DPH6: variants seen among roughly 807,000 people sequenced by gnomAD.
DPH6 encodes the protein diphthine--ammonia ligase.
In DPH6, 33 loss-of-function variants were observed where a neutral mutation model predicts 38.2. The observed-to-expected ratio is 0.86, with a 90% CI of 0.65 to 1.15. The LOEUF (loss-of-function observed/expected upper bound fraction) is 1.15. Ranked by LOEUF, DPH6 falls within the 50% of genes most tolerant of loss-of-function variation. The probability of loss-of-function intolerance (pLI) is 0.00; values close to 1 mark genes in which losing one functional copy is unlikely to be tolerated. For missense variants in DPH6, 325 were observed against 320.0 expected (o/e 1.02, Z -0.12); for synonymous variants, 108 against 103.0 (o/e 1.05, Z -0.30).
At chr15:35,279,967 C>T (rs2051887759) in intron 3 of DPH6, among the ~76,000 whole-genome samples, 2 of 152,056 alleles carry the variant, frequency 1.3e-5, no homozygotes, top group Admixed American at 1.3e-4. Flanking sequence ...AATCTCTTTC[C>T]CCACACACAT....
At chr15:35,436,492 AAC>A (rs1435306180) in intron 5 of DPH6, among the ~76,000 whole-genome samples, 69 of 42,376 alleles carry the variant, frequency 1.6e-3, no homozygotes, top group East Asian at 7.7e-3. Context: ...AACAAAACAA[AAC>A]AAAACAAAAC....
intron 5 of DPH6, among the ~76,000 whole-genome samples, chr15:35,448,075 G>A (rs2053880138): frequency 6.6e-6 from 1 of 151,906 alleles, no homozygotes; most frequent in Non-Finnish European, 1.5e-5. Flanking sequence ...GTGGTCTCAC[G>A]TTTTTCCTTT....
At chr15:35,521,893 C>T (rs2054927517) in intron 3 of DPH6, 2 of 1,394,488 alleles carry the variant, frequency 1.4e-6, no homozygotes, top group African/African-American at 1.5e-5. Flanking sequence ...ACATTACATT[C>T]CTTGGGATGA....
chr15:35,441,662 G>T (rs116601698), intron 5 of DPH6, among the ~76,000 whole-genome samples: 1 of 152,166 alleles, frequency 6.6e-6, no homozygotes, highest in Non-Finnish European at 1.5e-5. Context: ...CCCTGCTGGC[G>T]GGTGGGGGGT....
At chr15:35,245,385 C>T (rs2051630158) in intron 3 of DPH6, among the ~76,000 whole-genome samples, 1 of 151,726 alleles carries the variant, frequency 6.6e-6, no homozygotes, top group Non-Finnish European at 1.5e-5. Context: ...ACTACAGGCG[C>T]CCGCCACCAT....
chr15:35,472,201 T>G (rs1359716846), intron 3 of DPH6, among the ~76,000 whole-genome samples: 1 of 152,146 alleles, frequency 6.6e-6, no homozygotes, highest in African/African-American at 2.4e-5. Flanking sequence ...AATATTTTCT[T>G]AAAGGACAGG....
the DPH6 span, among the ~76,000 whole-genome samples, chr15:35,161,626 G>A: frequency 6.6e-6 from 1 of 151,920 alleles, no homozygotes; most frequent in Non-Finnish European, 1.5e-5. Context: ...TCATGAGAGT[G>A]AGGTTCTGGT....
chr15:35,381,987 G>A (rs1377392670), intron 6 of DPH6, 71 bp from the exon 7 acceptor site: 2 of 1,082,452 alleles, frequency 1.8e-6, no homozygotes, highest in East Asian at 2.4e-5. Flanking sequence ...CTCTTATCTG[G>A]TACTAAAAAA....
At chr15:35,246,041 C>A (rs979595557) in intron 3 of DPH6, among the ~76,000 whole-genome samples, 27 of 152,156 alleles carry the variant, frequency 1.8e-4, no homozygotes, top group East Asian at 3.9e-4. Flanking sequence ...GAAGCTCCCC[C>A]ACTGAGCACC....
the DPH6 span, among the ~76,000 whole-genome samples, chr15:35,211,656 T>C: frequency 6.6e-6 from 1 of 152,150 alleles, no homozygotes. Context: ...AAAGAACAAA[T>C]GGTTTTTAAA....
chr15:35,502,454 G>C (rs529177194), intron 3 of DPH6, among the ~76,000 whole-genome samples: 117 of 152,076 alleles, frequency 7.7e-4, no homozygotes, highest in African/African-American at 2.7e-3. Flanking sequence ...TCAGAGTTCT[G>C]TTTGTTTTAT....
At chr15:35,424,534 A>G (rs1309211146) in intron 5 of DPH6, among the ~76,000 whole-genome samples, 1 of 151,000 alleles carries the variant, frequency 6.6e-6, no homozygotes, top group Non-Finnish European at 1.5e-5. Context: ...TTCTAATTTG[A>G]ATGTCTTTTA....
chr15:35,229,142 A>G (rs2051501104), intron 3 of DPH6, among the ~76,000 whole-genome samples: 1 of 151,836 alleles, frequency 6.6e-6, no homozygotes, highest in Non-Finnish European at 1.5e-5. Context: ...TTCTATCCCT[A>G]TCGATTTCCC....
chr15:35,301,143 A>G (rs2052052046), intron 3 of DPH6, among the ~76,000 whole-genome samples: 1 of 152,210 alleles, frequency 6.6e-6, no homozygotes, highest in Non-Finnish European at 1.5e-5. Flanking sequence ...GTAGGTTTTG[A>G]GAAATTTAAA....
At chr15:35,520,638 G>T (rs1204695315) in intron 3 of DPH6, 2 of 984,572 alleles carry the variant, frequency 2.0e-6, no homozygotes, top group Admixed American at 6.2e-5. Flanking sequence ...AAGTAAAAGG[G>T]AGTTAAATTA....
At chr15:35,335,791 G>T (rs1012559621) in intron 3 of DPH6, among the ~76,000 whole-genome samples, 1 of 152,194 alleles carries the variant, frequency 6.6e-6, no homozygotes, top group Non-Finnish European at 1.5e-5. Flanking sequence ...CTGTGGTCTT[G>T]TAGTATAGTT....
intron 5 of DPH6, among the ~76,000 whole-genome samples, chr15:35,416,351 A>T (rs2053436213): frequency 6.6e-6 from 1 of 152,052 alleles, no homozygotes; most frequent in South Asian, 2.1e-4. Context: ...AGAAATAAAC[A>T]ATTTTAAAAC....
intron 3 of DPH6, among the ~76,000 whole-genome samples, chr15:35,317,456 G>GGAAAGAAA (rs145169289): frequency 2.7e-4 from 41 of 149,776 alleles, no homozygotes; most frequent in African/African-American, 9.3e-4. Flanking sequence ...AGAAAAAGAA[G>GGAAAGAAA]GAAAGAAAGA....
intron 3 of DPH6, among the ~76,000 whole-genome samples, chr15:35,516,849 A>G (rs2054854576): frequency 6.6e-6 from 1 of 152,142 alleles, no homozygotes; most frequent in Admixed American, 6.5e-5. Context: ...CCTCACTTTA[A>G]GAATTCCAGA....
Sources: gnomAD v4.1 joint callset for allele counts (sites outside exome capture counted in the v4.1 genomes callset) on GRCh38, gnomAD v4.1.1 for gene constraint, MANE v1.5 for transcripts, NCBI Gene and HGNC (gene_info 2026-07-23, HGNC 2026-07-21) for gene names.